CLVS1: variants seen among roughly 807,000 people sequenced by gnomAD.
CLVS1 encodes the protein clavesin-1.
In CLVS1, 10 loss-of-function variants were observed where a neutral mutation model predicts 33.1. The observed-to-expected ratio is 0.30, with a 90% CI of 0.19 to 0.51. The LOEUF (loss-of-function observed/expected upper bound fraction) is 0.51. CLVS1 is among the 20% of genes least tolerant of loss of function. The pLI is 0.97. For synonymous variants in CLVS1, 163 were observed against 166.1 expected (o/e 0.98, Z 0.14); for missense variants, 343 against 433.4 (o/e 0.79, Z 1.85).
intron 1 of CLVS1, among the ~76,000 whole-genome samples, chr8:61,102,692 AACT>A (rs1185627845): frequency 6.6e-6 from 1 of 152,214 alleles, no homozygotes; most frequent in Non-Finnish European, 1.5e-5. Context: ...CTTCACTCCT[AACT>A]GCTATCATGG....
the CLVS1 span, among the ~76,000 whole-genome samples, chr8:60,993,764 C>T: frequency 7.2e-5 from 11 of 152,316 alleles, no homozygotes; most frequent in South Asian, 6.2e-4. Flanking sequence ...GAGCTACCAT[C>T]GGGTGGCAGG....
rs114542140 is a variant in CLVS1, at chr8:61,343,909, G to A, written c.456-32696G>A. 7.7e-3 allele frequency among the ~76,000 whole-genome samples: 1,177 copies of A among 152,120 alleles called. 16 individuals are homozygous for A. The highest frequency in any genetic ancestry group is 0.026 in the African/African-American group (1,095 of 41,480). On this transcript the variant is annotated intron_variant, in intron 2 of 5. Transcript: ENST00000325897. ...CTTTAAATCTTAGTGCTAGGCTAACGGTATGAAGAAAAATAAAATCTATTT... is the reference window on the plus strand; with the variant it reads ...CTTTAAATCTTAGTGCTAGGCTAACAGTATGAAGAAAAATAAAATCTATTT...
chr8:61,165,828 A>G (rs894474265), intron 2 of CLVS1, among the ~76,000 whole-genome samples: 2 of 152,214 alleles, frequency 1.3e-5, no homozygotes, highest in African/African-American at 4.8e-5. Flanking sequence ...CAAATAACTT[A>G]CAGAGTTTGA....
intron 2 of CLVS1, chr8:61,202,308 C>T: frequency 1.5e-6 from 1 of 660,528 alleles, no homozygotes; most frequent in East Asian, 2.6e-5. Context: ...ATTCGTTTAT[C>T]TTCGTCCGCC....
intron 1 of CLVS1, among the ~76,000 whole-genome samples, chr8:61,081,250 G>A (rs1357407403): frequency 6.6e-6 from 1 of 152,228 alleles, no homozygotes; most frequent in African/African-American, 2.4e-5. Context: ...CTGAAGAAGA[G>A]AGAGCAGAAG....
chr8:61,381,103 A>G (rs1813859224), intron 3 of CLVS1, among the ~76,000 whole-genome samples: 1 of 151,492 alleles, frequency 6.6e-6, no homozygotes, highest in Admixed American at 6.6e-5. Context: ...TGGTCTAGCC[A>G]TTCTGAACAC....
At chr8:61,042,859 G>A in the CLVS1 span, among the ~76,000 whole-genome samples, 1 of 152,202 alleles carries the variant, frequency 6.6e-6, no homozygotes, top group Non-Finnish European at 1.5e-5. Flanking sequence ...GAGCCCATTA[G>A]TTGAGGGTCA....
chr8:61,180,322 A>G (rs1807203869), intron 2 of CLVS1, among the ~76,000 whole-genome samples: 1 of 152,214 alleles, frequency 6.6e-6, no homozygotes, highest in Non-Finnish European at 1.5e-5. Context: ...GACTAATAAC[A>G]AATTCTGAAA....
At chr8:61,187,872 ATATT>A (rs1356950659) in intron 2 of CLVS1, among the ~76,000 whole-genome samples, 4 of 150,666 alleles carry the variant, frequency 2.7e-5, no homozygotes, top group Admixed American at 2.0e-4. Flanking sequence ...TTATTTATTA[ATATT>A]TATTCTTTAG....
At chr8:61,398,215 T>C (rs1358054366) in intron 3 of CLVS1, among the ~76,000 whole-genome samples, 1 of 150,986 alleles carries the variant, frequency 6.6e-6, no homozygotes, top group Non-Finnish European at 1.5e-5. Context: ...AGAGTCTTGC[T>C]TTGTCACCCA....
intron 2 of CLVS1, among the ~76,000 whole-genome samples, chr8:61,182,487 A>T (rs1807258154): frequency 6.6e-6 from 1 of 152,206 alleles, no homozygotes; most frequent in African/African-American, 2.4e-5. Context: ...ATTTATGAGA[A>T]AAAAACAAAC....
At chr8:61,248,746 A>T (rs978504404) in intron 2 of CLVS1, among the ~76,000 whole-genome samples, 83 of 152,170 alleles carry the variant, frequency 5.5e-4, no homozygotes, top group African/African-American at 1.8e-3. Flanking sequence ...CTCCAATCAC[A>T]CCTTCATATT....
At chr8:61,005,230 G>A in the CLVS1 span, among the ~76,000 whole-genome samples, 1 of 152,306 alleles carries the variant, frequency 6.6e-6, no homozygotes, top group African/African-American at 2.4e-5. Flanking sequence ...ATCCTTCCAA[G>A]TTTCATCTCC....
intron 2 of CLVS1, among the ~76,000 whole-genome samples, chr8:61,246,924 C>A (rs1283786692): frequency 1.3e-5 from 2 of 151,892 alleles, no homozygotes; most frequent in African/African-American, 2.4e-5. Context: ...TCTCAGTATC[C>A]AGTAGTTCTC....
intron 2 of CLVS1, among the ~76,000 whole-genome samples, chr8:61,276,345 C>G (rs1345570465): frequency 6.6e-6 from 1 of 152,020 alleles, no homozygotes; most frequent in African/African-American, 2.4e-5. Context: ...TTTTCTTTTC[C>G]CCTTTGCTTG....
At position 61,220,481 on chromosome 8, in the gene CLVS1, T is replaced by A. The variant is rs193011763; in HGVS notation, c.-151-79196T>A. On this transcript the variant is annotated intron_variant, in intron 2 of 2. Transcript: ENST00000522621. ...ATCAGATAGTTGTAGATGAGTGGTG[T>A]TATTTCTGAGGTCTCTGTTCTGCTC... 3.3e-5 allele frequency among the ~76,000 whole-genome samples: 5 copies of A among 152,266 alleles called. 1 individual carries two copies. In the East Asian group the frequency reaches 9.6e-4, roughly 29 times the overall value.
Position 61,456,821 on chromosome 8 carries a change from G to A in CLVS1, c.742-1486G>A, listed in dbSNP as rs192911003. ...TAATCCCAGCTACTGAGGAGGCTGA[G>A]GCAGGAGAACGGCATGAACCTGGGA... is the stretch of plus-strand genomic sequence containing the variant. On this transcript the variant is annotated intron_variant, in intron 4 of 5. Transcript: ENST00000325897. Among the ~76,000 whole-genome samples, 1,193 of 151,766 alleles carry A rather than the reference G, an allele frequency of 7.9e-3. 6 individuals are homozygous for A. Among genetic ancestry groups the A allele is most frequent in the African/African-American group, 0.028 (1,143 of 41,390 alleles).
intron 2 of CLVS1, among the ~76,000 whole-genome samples, chr8:61,302,310 T>C (rs1441425436): frequency 6.6e-6 from 1 of 152,190 alleles, no homozygotes; most frequent in Non-Finnish European, 1.5e-5. Context: ...ATATCATAAT[T>C]AACATAATTA....
At chr8:61,004,718 G>A in the CLVS1 span, among the ~76,000 whole-genome samples, 4,391 of 152,296 alleles carry the variant, frequency 0.029, 187 homozygotes, top group African/African-American at 0.093. Flanking sequence ...CAGCAGGGCT[G>A]CGGGGGAGCT....
Sources: allele counts gnomAD v4.1 joint callset (sites outside exome capture counted in the v4.1 genomes callset), GRCh38; gene constraint gnomAD v4.1.1; transcripts MANE v1.5; gene names NCBI Gene and HGNC (gene_info 2026-07-23, HGNC 2026-07-21).